PLCB4: variants seen among roughly 807,000 people sequenced by gnomAD.
PLCB4 encodes phospholipase C beta 4.
Under a neutral mutation model 178.8 loss-of-function variants are expected in PLCB4, and 77 were observed. The observed-to-expected ratio is 0.43, with a 90% CI of 0.36 to 0.52. The LOEUF is 0.52. PLCB4 is among the 20% of genes least tolerant of loss of function. The pLI, the probability that PLCB4 is intolerant of heterozygous loss-of-function variation, is 0.00. For missense variants in PLCB4, 1,024 were observed against 1,453.4 expected, an observed-to-expected ratio of 0.70 and a Z score of 4.80; for synonymous variants, 496 against 490.8, an observed-to-expected ratio of 1.01 and a Z score of -0.14.
rs79946584 is a variant in PLCB4 at position 9,165,003 on chromosome 20, G to T, written c.-78-52387G>T. 6.2e-3 allele frequency among the ~76,000 whole-genome samples: 940 copies of T among 152,256 alleles called. 12 individuals carry two copies. The highest frequency in any genetic ancestry group is 0.022 in the African/African-American group (901 of 41,552). ...ATGCAAACACTATTGCATTTGGGTGGTGTTTTTTATGGTTACTTCTAGCCT... is the reference window on the plus strand; with the variant it reads ...ATGCAAACACTATTGCATTTGGGTGTTGTTTTTTATGGTTACTTCTAGCCT... On this transcript the variant is annotated intron_variant, in intron 2 of 39. Transcript: ENST00000378473.
chr20:9,137,284 G>A (rs2092402941), intron 2 of PLCB4, among the ~76,000 whole-genome samples: 1 of 151,996 alleles, frequency 6.6e-6, no homozygotes, highest in Admixed American at 6.6e-5. Context: ...ACATCTTTGA[G>A]GCATTTACTC....
At chr20:9,290,097 G>A (rs1010413904) in intron 3 of PLCB4, among the ~76,000 whole-genome samples, 1 of 151,230 alleles carries the variant, frequency 6.6e-6, no homozygotes, top group Non-Finnish European at 1.5e-5. Flanking sequence ...AGTTCTCTCT[G>A]ATGTGTCTTT....
At chr20:9,474,097 G>C (rs1324749217) in intron 38 of PLCB4, among the ~76,000 whole-genome samples, 1 of 151,936 alleles carries the variant, frequency 6.6e-6, no homozygotes, top group Non-Finnish European at 1.5e-5. Context: ...TGCACCTGTA[G>C]TCCCAGCTAC....
intron 2 of PLCB4, among the ~76,000 whole-genome samples, chr20:9,117,608 T>G (rs1299213980): frequency 3.9e-5 from 6 of 152,192 alleles, no homozygotes; most frequent in African/African-American, 1.4e-4. Flanking sequence ...AGATGTAGAA[T>G]TTAGCCTAAA....
chr20:9,360,974 C>CA (rs925258416), intron 7 of PLCB4, among the ~76,000 whole-genome samples: 9 of 151,952 alleles, frequency 5.9e-5, no homozygotes, highest in Admixed American at 4.6e-4. Context: ...AACAAACAAA[C>CA]AAAAAAACCC....
At chr20:9,301,773 G>T (rs2094707189) in intron 3 of PLCB4, among the ~76,000 whole-genome samples, 1 of 152,024 alleles carries the variant, frequency 6.6e-6, no homozygotes, top group East Asian at 1.9e-4. Flanking sequence ...GACCTTCTAG[G>T]ACTCCCCTTC....
chr20:9,443,911 G>C, intron 30 of PLCB4, 70 bp from the exon 31 acceptor site: 1 of 864,660 alleles, frequency 1.2e-6, no homozygotes, highest in Non-Finnish European at 1.9e-6. Flanking sequence ...CGATATGTCA[G>C]TTCTATATTA....
intron 38 of PLCB4, among the ~76,000 whole-genome samples, chr20:9,474,630 G>T (rs2044419759): frequency 6.6e-6 from 1 of 151,918 alleles, no homozygotes; most frequent in Non-Finnish European, 1.5e-5. Flanking sequence ...TCCCCTTGAA[G>T]AATACTTAAG....
At chr20:9,420,372 C>G (rs766568336) in intron 26 of PLCB4, among the ~76,000 whole-genome samples, 3 of 152,036 alleles carry the variant, frequency 2.0e-5, no homozygotes, top group Non-Finnish European at 4.4e-5. Flanking sequence ...GAGTATCACT[C>G]TGTCGCCCAG....
chr20:9,243,269 C>G (rs956371362), intron 3 of PLCB4, among the ~76,000 whole-genome samples: 3 of 152,162 alleles, frequency 2.0e-5, no homozygotes, highest in Non-Finnish European at 4.4e-5. Context: ...CCAGAGAGTA[C>G]AGCACTGGTG....
At chr20:9,456,620 A>G (rs1251586779) in intron 33 of PLCB4, among the ~76,000 whole-genome samples, 2 of 152,210 alleles carry the variant, frequency 1.3e-5, no homozygotes, top group Admixed American at 6.5e-5. Flanking sequence ...AGTCACGGGA[A>G]TGTTTCGGCA....
chr20:9,190,144 A>G (rs1015165195), intron 2 of PLCB4, among the ~76,000 whole-genome samples: 9 of 152,154 alleles, frequency 5.9e-5, no homozygotes, highest in African/African-American at 2.2e-4. Flanking sequence ...GGGAACAAAG[A>G]TGGGACCAGG....
chr20:9,276,612 G>T (rs910082602), intron 3 of PLCB4, among the ~76,000 whole-genome samples: 1 of 152,016 alleles, frequency 6.6e-6, no homozygotes, highest in South Asian at 2.1e-4. Flanking sequence ...AGGTCACATG[G>T]CTTGTTCTGT....
Position 9,352,531 on chromosome 20 carries a change from T to C in PLCB4, c.370-10365T>C, listed in dbSNP as rs2034441497. On this transcript the variant is annotated intron_variant, in intron 7 of 39. Coordinates refer to ENST00000378473, the MANE Select transcript of PLCB4 (RefSeq NM_001377142.1). Reference sequence around the variant, plus strand: ...CTGCAGCTTCTGAACAGCACAGGTGTCCTCTTTTTTCTTGTGACTATTTAG... The same window carrying C: ...CTGCAGCTTCTGAACAGCACAGGTGCCCTCTTTTTTCTTGTGACTATTTAG... Among the ~76,000 whole-genome samples the C allele has an allele frequency of 2.0e-5, 3 of 152,328 alleles. 1 individual carries two copies. In the South Asian group the frequency reaches 6.2e-4, roughly 32 times the overall value.
At position 9,476,707 on chromosome 20, in the gene PLCB4, G is replaced by A. The variant is rs1490641846; in HGVS notation, c.3496-10G>A. 1.9e-6 allele frequency: 3 copies of A among 1,596,134 alleles called. No homozygotes were observed. In the South Asian group the frequency reaches 3.3e-5, roughly 18 times the overall value. ...ACTCAATTTTGACATTACTATTTTT[G>A]TACAAACAGCTTTTGAAATCCTGTC... is the stretch of plus-strand genomic sequence containing the variant. On this transcript the variant is annotated splice_polypyrimidine_tract_variant and intron_variant, in intron 38 of 39. Coordinates refer to ENST00000378473, the MANE Select transcript of PLCB4 (RefSeq NM_001377142.1).
At chr20:9,304,848 G>A (rs982776719) in intron 3 of PLCB4, among the ~76,000 whole-genome samples, 3 of 146,498 alleles carry the variant, frequency 2.0e-5, no homozygotes, top group Admixed American at 6.8e-5. Context: ...TCATTCCTGC[G>A]TTTTCTTTTT....
intron 30 of PLCB4, among the ~76,000 whole-genome samples, chr20:9,438,162 C>G (rs1280369045): frequency 6.6e-6 from 1 of 151,808 alleles, no homozygotes; most frequent in South Asian, 2.1e-4. Flanking sequence ...GTCAGGAGAT[C>G]GAGACCATCC....
At chr20:9,220,614 G>T (rs2055574792) in intron 3 of PLCB4, among the ~76,000 whole-genome samples, 1 of 152,190 alleles carries the variant, frequency 6.6e-6, no homozygotes, top group Non-Finnish European at 1.5e-5. Flanking sequence ...CCCAGCCTGG[G>T]TGACAGACGA....
At chr20:9,425,536 A>G (rs2040937116) in intron 28 of PLCB4, among the ~76,000 whole-genome samples, 1 of 152,252 alleles carries the variant, frequency 6.6e-6, no homozygotes, top group African/African-American at 2.4e-5. Flanking sequence ...GAATGGATGT[A>G]AGCATAGGGA....
Sources: allele counts gnomAD v4.1 joint callset (sites outside exome capture counted in the v4.1 genomes callset), GRCh38; gene constraint gnomAD v4.1.1; transcripts MANE v1.5; gene names NCBI Gene and HGNC (gene_info 2026-07-23, HGNC 2026-07-21).